Variants in FNIP1 observed in about 807,000 individuals in gnomAD.
FNIP1 encodes the protein folliculin-interacting protein 1.
In FNIP1, 40 loss-of-function variants were observed where a neutral mutation model predicts 124.5. The ratio of observed to expected loss-of-function variants is 0.32; its 90% CI spans 0.25 to 0.42. FNIP1 has a LOEUF of 0.42. FNIP1 is among the 10% of genes least tolerant of loss of function. The pLI is 1.00. For missense variants in FNIP1, 1,176 were observed against 1,403.7 expected, an observed-to-expected ratio of 0.84 and a Z score of 2.59; for synonymous variants, 472 against 470.6, an observed-to-expected ratio of 1.00 and a Z score of -0.04.
chr5:131,796,594 A>G, intron 1 of FNIP1: 1 of 555,602 alleles, frequency 1.8e-6, no homozygotes, highest in Non-Finnish European at 3.2e-6. Flanking sequence ...GTCGTAAACA[A>G]ACCGACGGGA....
In FNIP1 at chr5:131,709,262, G is replaced by A; in HGVS notation, c.717C>T (p.Asn239=). Residue 239 remains asparagine, a synonymous_variant, in exon 8 of 18, where the codon AAC becomes AAT. Coordinates refer to ENST00000510461, the MANE Select transcript of FNIP1 (RefSeq NM_133372.3). ...GCTCTCTTCCAGGCATGTCCATTGG[G>A]TTGCTGTGAACTATAAATAAAGATG... ...RSASFFAVHS[N]PMDMPGRELN... 1 of 1,613,838 alleles carries A rather than the reference G, an allele frequency of 6.2e-7. No individual in the cohort carries two copies. The highest frequency in any genetic ancestry group is 2.2e-5 in the East Asian group (1 of 44,864).
At chr5:131,790,568 G>A (rs1054810281) in intron 1 of FNIP1, among the ~76,000 whole-genome samples, 3 of 150,408 alleles carry the variant, frequency 2.0e-5, no homozygotes, top group African/African-American at 7.3e-5. Flanking sequence ...CCCCTTACGT[G>A]AATTTACAGA....
At chr5:131,654,509 C>G (rs894632216) in intron 15 of FNIP1, among the ~76,000 whole-genome samples, 1 of 152,152 alleles carries the variant, frequency 6.6e-6, no homozygotes, top group African/African-American at 2.4e-5. Flanking sequence ...CTGAATAAAG[C>G]TCTTTCCTGG....
At chr5:131,729,932 G>A (rs1770022169) in intron 3 of FNIP1, among the ~76,000 whole-genome samples, 1 of 151,436 alleles carries the variant, frequency 6.6e-6, no homozygotes, top group Non-Finnish European at 1.5e-5. Flanking sequence ...GTAGAGATAG[G>A]GTTTCTCCAT....
intron 3 of FNIP1, among the ~76,000 whole-genome samples, chr5:131,722,271 G>A (rs1769692531): frequency 6.6e-6 from 1 of 152,156 alleles, no homozygotes; most frequent in South Asian, 2.1e-4. Context: ...TGGTCTCTGA[G>A]GGTATCTGGA....
At chr5:131,712,646 G>A (rs1194777894) in intron 6 of FNIP1, among the ~76,000 whole-genome samples, 1 of 152,160 alleles carries the variant, frequency 6.6e-6, no homozygotes, top group African/African-American at 2.4e-5. Flanking sequence ...ATGAAAGGGG[G>A]TATTAGTGTA....
At chr5:131,770,832 T>C (rs1011202882) in intron 1 of FNIP1, among the ~76,000 whole-genome samples, 10 of 152,248 alleles carry the variant, frequency 6.6e-5, no homozygotes, top group African/African-American at 2.2e-4. Context: ...AATTCAAAAC[T>C]GTATGTATAC....
chr5:131,687,171 T>C (rs1580754865), intron 11 of FNIP1, among the ~76,000 whole-genome samples: 1 of 150,964 alleles, frequency 6.6e-6, no homozygotes, highest in South Asian at 2.1e-4. Flanking sequence ...AATGGCACAA[T>C]CTCGGCTCAC....
intron 3 of FNIP1, among the ~76,000 whole-genome samples, chr5:131,729,455 C>A (rs1038334137): frequency 2.6e-5 from 4 of 152,220 alleles, no homozygotes; most frequent in African/African-American, 9.7e-5. Flanking sequence ...CCGCCCAGTT[C>A]TAACTTCCCA....
At chr5:131,771,992 A>G (rs1375098780) in intron 1 of FNIP1, among the ~76,000 whole-genome samples, 3 of 152,128 alleles carry the variant, frequency 2.0e-5, no homozygotes, top group Admixed American at 6.6e-5. Flanking sequence ...GAATTCAGAT[A>G]TATTAGGGTT....
At chr5:131,794,229 TA>T (rs60617618) in intron 1 of FNIP1, among the ~76,000 whole-genome samples, 5,005 of 48,450 alleles carry the variant, frequency 0.1, 196 homozygotes, top group African/African-American at 0.25. Flanking sequence ...AGACTCCATC[TA>T]AAAAAAAAAA....
At chr5:131,654,586 C>T (rs1000075929) in intron 15 of FNIP1, among the ~76,000 whole-genome samples, 3 of 152,094 alleles carry the variant, frequency 2.0e-5, no homozygotes, top group African/African-American at 7.2e-5. Context: ...ATACATCTAG[C>T]TTTAAAAAAA....
intron 8 of FNIP1, among the ~76,000 whole-genome samples, chr5:131,707,668 C>T (rs1769160219): frequency 6.6e-6 from 1 of 152,062 alleles, no homozygotes. Context: ...GTATGTACAA[C>T]TAAATCTGGG....
intron 1 of FNIP1, among the ~76,000 whole-genome samples, chr5:131,745,436 C>T (rs57925080): frequency 0.027 from 4,037 of 152,158 alleles, 190 homozygotes; most frequent in African/African-American, 0.092. Context: ...GGGAGGATCG[C>T]TTGAGCCTGG....
intron 1 of FNIP1, among the ~76,000 whole-genome samples, chr5:131,765,414 G>A (rs1235157014): frequency 6.6e-6 from 1 of 152,064 alleles, no homozygotes; most frequent in Non-Finnish European, 1.5e-5. Flanking sequence ...TTCAGTGAAT[G>A]TAAGTGTTTG....
At position 131,645,523 on chromosome 5, in the gene FNIP1, T is replaced by G. The variant is rs1766856037; in HGVS notation, c.3423-760A>C. ...TGTGAATAAAATCAGATACCATTTT[T>G]TAGATAGTAGCCTAGCAAAGATCAA... is the stretch of plus-strand genomic sequence containing the variant. On this transcript the variant is annotated intron_variant, in intron 17 of 17. Transcript: ENST00000510461. Among the ~76,000 whole-genome samples, 3 of 152,176 alleles carry G rather than the reference T, an allele frequency of 2.0e-5. No individual in the cohort carries two copies. In the South Asian group the frequency reaches 6.2e-4, roughly 32 times the overall value.
chr5:131,768,465 GT>G (rs34123871), intron 1 of FNIP1, among the ~76,000 whole-genome samples: 22,812 of 148,154 alleles, frequency 0.15, 4,087 homozygotes, highest in African/African-American at 0.44. Context: ...GTCATACACA[GT>G]TTTTTTTTTT....
Position 131,672,161 on chromosome 5 carries a change from A to C in FNIP1, c.2283T>G (p.Pro761=). ...VTFLIGDSMS[P]DSDTELRSQA... Reference sequence around the variant, plus strand: ...GACTTCGAAGCTCAGTATCTGAATCAGGTGACATAGAATCCCCAATCAGGA... The same window carrying C: ...GACTTCGAAGCTCAGTATCTGAATCCGGTGACATAGAATCCCCAATCAGGA... The change falls in exon 14 of 18, where the codon CCT becomes CCG. Residue 761 remains proline, a synonymous_variant. Coordinates refer to ENST00000510461, the MANE Select transcript of FNIP1 (RefSeq NM_133372.3). The C allele has an allele frequency of 6.2e-7, 1 of 1,614,228 alleles. No individual in the cohort carries two copies. Among genetic ancestry groups the C allele is most frequent in the Non-Finnish European group, 8.5e-7 (1 of 1,180,048 alleles).
intron 10 of FNIP1, among the ~76,000 whole-genome samples, chr5:131,701,268 C>T (rs1174469293): frequency 1.3e-5 from 2 of 152,204 alleles, no homozygotes; most frequent in African/African-American, 4.8e-5. Context: ...CAAAGGGTCC[C>T]TGGTTGCCAA....
Sources: gnomAD v4.1 joint callset for allele counts (sites outside exome capture counted in the v4.1 genomes callset) on GRCh38, gnomAD v4.1.1 for gene constraint, MANE v1.5 for transcripts, NCBI Gene and HGNC (gene_info 2026-07-23, HGNC 2026-07-21) for gene names.